Variants in ANKS1B observed in about 807,000 individuals in gnomAD.
ANKS1B encodes ankyrin repeat and sterile alpha motif domain containing 1B, also known as ankyrin repeat and sterile alpha motif domain-containing protein 1B.
ANKS1B carries 36 observed loss-of-function variants against 148.3 expected under a neutral mutation model. The observed-to-expected ratio is 0.24, with a 90% confidence interval of 0.19 to 0.32. The LOEUF is 0.32. Ranked by LOEUF, ANKS1B falls within the 10% of genes least tolerant of loss-of-function variation. The pLI is 1.00. For synonymous variants in ANKS1B, 542 were observed against 560.8 expected, an observed-to-expected ratio of 0.97 and a Z score of 0.47; for missense variants, 1,157 against 1,542.6, an observed-to-expected ratio of 0.75 and a Z score of 4.19.
chr12:99,155,152 A>G (rs2075865213), intron 14 of ANKS1B: 1 of 1,468,652 alleles, frequency 6.8e-7, no homozygotes, highest in Admixed American at 2.4e-5. Flanking sequence ...AGCTTGAACT[A>G]TAGCTTATAA....
chr12:99,150,595 T>C (rs1441938382), intron 15 of ANKS1B, among the ~76,000 whole-genome samples: 3 of 152,072 alleles, frequency 2.0e-5, no homozygotes, highest in African/African-American at 7.2e-5. Context: ...ATAGATTCTT[T>C]GGGACTTAAA....
intron 6 of ANKS1B, among the ~76,000 whole-genome samples, chr12:99,776,926 G>A (rs181687452): frequency 1.9e-4 from 29 of 151,952 alleles, no homozygotes; most frequent in African/African-American, 6.5e-4. Context: ...CTTGTAATCC[G>A]CCCACCTCGG....
chr12:99,598,560 T>C (rs576679619), intron 9 of ANKS1B, among the ~76,000 whole-genome samples: 23 of 152,182 alleles, frequency 1.5e-4, no homozygotes, highest in Admixed American at 1.4e-3. Flanking sequence ...GAGGCAGCTT[T>C]ACTGCCACTT....
chr12:98,888,607 C>A lies in ANKS1B; in HGVS notation c.2779-56471G>T, dbSNP rs373392112. ...TCAGTCACGCTGGACTGCTCTCTGT[C>A]CCCCACACACTGCACTTGTTCCCCC... On this transcript the variant is annotated intron_variant, in intron 17 of 26. Coordinates refer to ENST00000683438, the MANE Select transcript of ANKS1B (RefSeq NM_001352186.2). Among the ~76,000 whole-genome samples, 14 of 152,316 alleles carry A rather than the reference C, an allele frequency of 9.2e-5. 1 individual carries two copies. The highest frequency in any genetic ancestry group is 3.1e-4 in the African/African-American group (13 of 41,564).
chr12:99,864,103 T>G (rs367809393), intron 1 of ANKS1B, among the ~76,000 whole-genome samples: 1,786 of 103,148 alleles, frequency 0.017, 54 homozygotes, highest in African/African-American at 0.062. Context: ...AAAAAAAAAG[T>G]AGAACCCCTC....
chr12:99,770,048 T>G (rs938023463), intron 8 of ANKS1B, among the ~76,000 whole-genome samples: 3 of 152,208 alleles, frequency 2.0e-5, no homozygotes, highest in African/African-American at 7.2e-5. Context: ...AAAATTCCTT[T>G]GGCCACAAGG....
intron 20 of ANKS1B, among the ~76,000 whole-genome samples, 167 bp downstream of exon 20, chr12:98,807,677 T>C (rs933407845): frequency 2.6e-5 from 4 of 152,062 alleles, no homozygotes; most frequent in Non-Finnish European, 5.9e-5. Flanking sequence ...CATCAACTAA[T>C]CACAAGGCAC....
chr12:99,140,922 T>C (rs1056354126), intron 15 of ANKS1B, among the ~76,000 whole-genome samples: 2 of 152,116 alleles, frequency 1.3e-5, no homozygotes, highest in Non-Finnish European at 2.9e-5. Context: ...CATTATTCAC[T>C]AGAAAACAGA....
At chr12:99,170,959 G>T (rs1453758148) in intron 14 of ANKS1B, among the ~76,000 whole-genome samples, 1 of 152,168 alleles carries the variant, frequency 6.6e-6, no homozygotes, top group Non-Finnish European at 1.5e-5. Context: ...GGTTATTTTT[G>T]AAGGTACTGG....
rs533365175 is a variant in ANKS1B, at chr12:99,315,734, A to G, written c.1757-68870T>C. Among the ~76,000 whole-genome samples, 31 of 152,198 alleles carry G rather than the reference A, an allele frequency of 2.0e-4. No homozygotes were observed. The South Asian group carries it at 5.6e-3, about 28-fold the overall frequency. ...TGTGCACAACGTGCAGGTTTGTTAC[A>G]TAGGTATACATGTGCCATGTTGGTG... On this transcript the variant is annotated intron_variant, in intron 12 of 26. Coordinates refer to ENST00000683438, the MANE Select transcript of ANKS1B (RefSeq NM_001352186.2).
rs184704222 is a variant in ANKS1B, at chr12:99,405,182, C to T, written c.1576-5371G>A. On this transcript the variant is annotated intron_variant, in intron 11 of 26. Coordinates refer to ENST00000683438, the MANE Select transcript of ANKS1B (RefSeq NM_001352186.2). ...AGTTCTTCAGTGTGAAAGAAAATGA[C>T]GTTAATGAGCAACAAGAAATCATCT... Among the ~76,000 whole-genome samples the T allele has an allele frequency of 6.2e-5, 9 of 145,192 alleles. No homozygotes were observed. The East Asian group carries it at 1.5e-3, about 25-fold the overall frequency.
chr12:99,211,430 C>T (rs1272799456), intron 14 of ANKS1B, among the ~76,000 whole-genome samples: 1 of 152,182 alleles, frequency 6.6e-6, no homozygotes, highest in African/African-American at 2.4e-5. Flanking sequence ...AACTTTAAAA[C>T]AACCAGTCTG....
At chr12:99,851,965 GCTAT>G (rs951317729) in intron 1 of ANKS1B, among the ~76,000 whole-genome samples, 6 of 152,116 alleles carry the variant, frequency 3.9e-5, no homozygotes, top group Admixed American at 1.3e-4. Flanking sequence ...TACTTATTAA[GCTAT>G]CTATTACATG....
chr12:99,370,211 C>T (rs2093050119), intron 12 of ANKS1B, among the ~76,000 whole-genome samples: 1 of 152,076 alleles, frequency 6.6e-6, no homozygotes, highest in Non-Finnish European at 1.5e-5. Context: ...GTGGAGCTGT[C>T]TCAGCTGTCA....
Position 99,041,515 on chromosome 12 carries a change from T to C in ANKS1B, c.2778+11642A>G, listed in dbSNP as rs185613149. Among the ~76,000 whole-genome samples, 1,089 of 152,216 alleles carry C rather than the reference T, an allele frequency of 7.2e-3. 15 individuals are homozygous for C. Among genetic ancestry groups the C allele is most frequent in the South Asian group, 0.046 (220 of 4,820 alleles). On this transcript the variant is annotated intron_variant, in intron 17 of 26. Transcript: ENST00000683438. Reference sequence around the variant, plus strand: ...TACTGAATATTGGTTGGGGTTCCTGTCCCCCAGTTTTCCATACATTTAGGC... The same window carrying C: ...TACTGAATATTGGTTGGGGTTCCTGCCCCCCAGTTTTCCATACATTTAGGC...
chr12:98,979,762 G>T (rs1309987420), intron 17 of ANKS1B, among the ~76,000 whole-genome samples: 1 of 151,786 alleles, frequency 6.6e-6, no homozygotes, highest in Non-Finnish European at 1.5e-5. Context: ...CGCTTATCTT[G>T]CTTGAGGTTT....
chr12:99,240,955 A>G (rs1450846573), intron 14 of ANKS1B, among the ~76,000 whole-genome samples: 1 of 152,212 alleles, frequency 6.6e-6, no homozygotes, highest in Non-Finnish European at 1.5e-5. Flanking sequence ...GGAAAGATCT[A>G]AAATTGACAC....
intron 25 of ANKS1B, among the ~76,000 whole-genome samples, chr12:98,752,149 A>G (rs1387384381): frequency 1.3e-5 from 2 of 152,160 alleles, no homozygotes; most frequent in Non-Finnish European, 2.9e-5. Context: ...CTTCTTACAC[A>G]TACTGATTGA....
intron 1 of ANKS1B, among the ~76,000 whole-genome samples, chr12:99,848,525 G>T (rs538055487): frequency 6.6e-6 from 1 of 152,244 alleles, no homozygotes; most frequent in African/African-American, 2.4e-5. Flanking sequence ...TACATAAATA[G>T]ATCTATGGAA....
Sources: allele counts gnomAD v4.1 joint callset (sites outside exome capture counted in the v4.1 genomes callset), GRCh38; gene constraint gnomAD v4.1.1; transcripts MANE v1.5; gene names NCBI Gene and HGNC (gene_info 2026-07-23, HGNC 2026-07-21).